Variants in CSMD1 observed in about 807,000 individuals in gnomAD.
CSMD1 encodes CUB and Sushi multiple domains 1.
In CSMD1, 213 loss-of-function variants were observed where a neutral mutation model predicts 417.5. The observed-to-expected ratio is 0.51, with a 90% CI of 0.46 to 0.57. The LOEUF is 0.57. Among genes scored for constraint, CSMD1 ranks in the 20% least tolerant of loss-of-function variants. The probability of loss-of-function intolerance (pLI) is 0.00; values close to 1 mark genes in which losing one functional copy is unlikely to be tolerated. For synonymous variants in CSMD1, 2,862 were observed against 1,736.8 expected (o/e 1.65, Z -16.11); for missense variants, 6,923 against 4,529.7 (o/e 1.53, Z -15.17).
intron 5 of CSMD1, among the ~76,000 whole-genome samples, chr8:3,948,596 G>C (rs1020002606): frequency 6.6e-6 from 1 of 152,036 alleles, no homozygotes; most frequent in Non-Finnish European, 1.5e-5. Context: ...AACGATGAAC[G>C]TGTTTTAACA....
chr8:3,515,705 G>A (rs1797255542), intron 10 of CSMD1, among the ~76,000 whole-genome samples: 1 of 152,184 alleles, frequency 6.6e-6, no homozygotes, highest in African/African-American at 2.4e-5. Flanking sequence ...AGGCCAAAAT[G>A]AAGAATGTTA....
chr8:4,103,287 A>G (rs976229568), intron 3 of CSMD1, among the ~76,000 whole-genome samples: 4 of 147,484 alleles, frequency 2.7e-5, no homozygotes, highest in Non-Finnish European at 1.5e-5. Context: ...TACTGAAAGT[A>G]TGACGTGTGT....
At chr8:4,274,602 A>G (rs141817335) in intron 3 of CSMD1, among the ~76,000 whole-genome samples, 66 of 152,298 alleles carry the variant, frequency 4.3e-4, no homozygotes, top group African/African-American at 1.5e-3. Context: ...TTAATAGATT[A>G]ATCTATGAAA....
chr8:3,482,816 T>G (rs1817822861), intron 11 of CSMD1, among the ~76,000 whole-genome samples: 1 of 152,162 alleles, frequency 6.6e-6, no homozygotes, highest in Non-Finnish European at 1.5e-5. Context: ...AGAAATCAGT[T>G]ATTAAAAGGC....
intron 2 of CSMD1, among the ~76,000 whole-genome samples, chr8:4,554,876 G>T (rs1171899758): frequency 6.6e-6 from 1 of 152,128 alleles, no homozygotes. Flanking sequence ...AGGTTGCCAG[G>T]CCCAGGTGGT....
At chr8:3,113,271 A>G (rs1816642926) in intron 42 of CSMD1, 1 of 152,232 alleles carries the variant, frequency 6.6e-6, no homozygotes, top group Non-Finnish European at 1.5e-5. Flanking sequence ...TGACCATGGC[A>G]TCAGCAACTG....
intron 3 of CSMD1, among the ~76,000 whole-genome samples, chr8:4,273,305 C>A (rs1332889898): frequency 6.6e-6 from 1 of 152,010 alleles, no homozygotes; most frequent in Admixed American, 6.6e-5. Context: ...TATAATTTTT[C>A]CAGTTTTATG....
chr8:3,183,052 C>G (rs1418728722), intron 36 of CSMD1: 1 of 151,884 alleles, frequency 6.6e-6, no homozygotes, highest in African/African-American at 2.4e-5. Context: ...GCCACCGCAC[C>G]CGGCCTAGAA....
At chr8:4,335,834 T>A (rs376612579) in intron 3 of CSMD1, among the ~76,000 whole-genome samples, 1 of 150,992 alleles carries the variant, frequency 6.6e-6, no homozygotes, top group Non-Finnish European at 1.5e-5. Flanking sequence ...AGCCCAGGGG[T>A]TGATTGGGGT....
At chr8:3,034,095 C>G (rs1033352433) in intron 50 of CSMD1, among the ~76,000 whole-genome samples, 3 of 152,188 alleles carry the variant, frequency 2.0e-5, no homozygotes, top group Non-Finnish European at 4.4e-5. Flanking sequence ...GCTCTCTGGA[C>G]CTTGCCTGGA....
At position 4,863,210 on chromosome 8, in the gene CSMD1, A is replaced by G. The variant is rs998860424; in HGVS notation, c.85+131122T>C. On this transcript the variant is annotated intron_variant, in intron 1 of 69. Coordinates refer to ENST00000635120, the MANE Select transcript of CSMD1 (RefSeq NM_033225.6). ...CTCTTCACCTCAGTTTTTACTATTC[A>G]TCTCCAAAATGAGGAAAAATAATCA... Among the ~76,000 whole-genome samples, 40 of 152,162 alleles carry G rather than the reference A, an allele frequency of 2.6e-4. 2 individuals are homozygous for G. Among genetic ancestry groups the G allele is most frequent in the Admixed American group, 2.0e-3 (30 of 15,282 alleles).
At position 3,580,966 on chromosome 8, in the gene CSMD1, T is replaced by C. The variant is rs533908839; in HGVS notation, c.1222+5170A>G. Among the ~76,000 whole-genome samples the C allele has an allele frequency of 5.9e-5, 9 of 152,322 alleles. 1 individual carries two copies. The South Asian group carries it at 1.4e-3, about 25-fold the overall frequency. On this transcript the variant is annotated intron_variant, in intron 9 of 69. Coordinates refer to ENST00000635120, the MANE Select transcript of CSMD1 (RefSeq NM_033225.6). ...CTCATCTGAAATTCCAACGCAATAATAACTTTATTCCCTGACTCTGCCTGG... is the reference window on the plus strand; with the variant it reads ...CTCATCTGAAATTCCAACGCAATAACAACTTTATTCCCTGACTCTGCCTGG...
chr8:4,637,563 A>G lies in CSMD1; in HGVS notation c.86-5T>C, dbSNP rs1802898410. 1.2e-6 allele frequency: 2 copies of G among 1,600,242 alleles called. No individual in the cohort carries two copies. The highest frequency in any genetic ancestry group is 1.3e-5 in the African/African-American group (1 of 74,474). ...CTAAGCCTCCACAGTTCTGACCTGGAAGAGAAAACACACACAAAAAAGCAT... is the reference window on the plus strand; with the variant it reads ...CTAAGCCTCCACAGTTCTGACCTGGGAGAGAAAACACACACAAAAAAGCAT... On this transcript the variant is annotated splice_region_variant and splice_polypyrimidine_tract_variant and intron_variant, in intron 1 of 69. Coordinates refer to ENST00000635120, the MANE Select transcript of CSMD1 (RefSeq NM_033225.6).
At chr8:4,575,294 C>T (rs2130673136) in intron 2 of CSMD1, among the ~76,000 whole-genome samples, 1 of 152,044 alleles carries the variant, frequency 6.6e-6, no homozygotes, top group South Asian at 2.1e-4. Flanking sequence ...GATTGGTGTC[C>T]CTGTCCTTTT....
At chr8:4,129,074 C>CAAAAAAAAAAAA in intron 3 of CSMD1, among the ~76,000 whole-genome samples, 1 of 80,744 alleles carries the variant, frequency 1.2e-5, no homozygotes, top group Non-Finnish European at 2.4e-5. Flanking sequence ...GAGTCCAACT[C>CAAAAAAAAAAAA]AAAAAAAAAA....
At chr8:3,787,379 A>C (rs1275380051) in intron 5 of CSMD1, among the ~76,000 whole-genome samples, 1 of 152,206 alleles carries the variant, frequency 6.6e-6, no homozygotes, top group Non-Finnish European at 1.5e-5. Context: ...TCAATTAAGT[A>C]AGCAGATAAC....
intron 10 of CSMD1, among the ~76,000 whole-genome samples, chr8:3,519,222 T>G (rs146853717): frequency 6.6e-6 from 1 of 152,190 alleles, no homozygotes; most frequent in Non-Finnish European, 1.5e-5. Context: ...TTACCAACAC[T>G]TTTTCTTTCC....
intron 3 of CSMD1, among the ~76,000 whole-genome samples, chr8:4,091,010 C>T (rs558458023): frequency 2.0e-5 from 3 of 151,778 alleles, no homozygotes; most frequent in Non-Finnish European, 4.4e-5. Flanking sequence ...CCTCCACCTC[C>T]TGGGTTCAAG....
intron 3 of CSMD1, among the ~76,000 whole-genome samples, chr8:4,079,527 T>G (rs1040546985): frequency 6.6e-6 from 1 of 152,310 alleles, no homozygotes; most frequent in East Asian, 1.9e-4. Context: ...CAGCTGCACA[T>G]CTGATGCCAA....
Sources: allele counts gnomAD v4.1 joint callset (sites outside exome capture counted in the v4.1 genomes callset), GRCh38; gene constraint gnomAD v4.1.1; transcripts MANE v1.5; gene names NCBI Gene and HGNC (gene_info 2026-07-23, HGNC 2026-07-21).